PPP1R21: variants seen among roughly 807,000 people sequenced by gnomAD.
The protein encoded by PPP1R21 is protein phosphatase 1 regulatory subunit 21.
A neutral mutation model predicts 112.8 loss-of-function variants in PPP1R21; 85 were observed. The ratio of observed to expected loss-of-function variants is 0.75; its 90% CI spans 0.63 to 0.90. The LOEUF (loss-of-function observed/expected upper bound fraction) is 0.90. PPP1R21 is among the 40% of genes least tolerant of loss of function. PPP1R21 has a pLI of 0.00. For missense variants in PPP1R21, 1,199 were observed against 901.5 expected (o/e 1.33, Z -4.23); for synonymous variants, 381 against 322.3 (o/e 1.18, Z -1.95).
At chr2:48,500,203 ATAT>A (rs1283794015) in intron 17 of PPP1R21, among the ~76,000 whole-genome samples, 10 of 152,146 alleles carry the variant, frequency 6.6e-5, no homozygotes, top group Middle Eastern at 3.2e-3. Context: ...TATGGTAATG[ATAT>A]TATTATTTAG....
intron 11 of PPP1R21, 191 bp downstream of exon 11, chr2:48,471,558 A>G (rs762030668): frequency 1.8e-5 from 10 of 556,308 alleles, no homozygotes; most frequent in Non-Finnish European, 2.8e-5. Flanking sequence ...AAGTTGAATT[A>G]TAGTCTGTCA....
intron 9 of PPP1R21, among the ~76,000 whole-genome samples, chr2:48,470,241 G>A (rs1377275902): frequency 6.6e-6 from 1 of 152,014 alleles, no homozygotes; most frequent in Non-Finnish European, 1.5e-5. Flanking sequence ...TATTAAGCTG[G>A]GCATGTTGGC....
chr2:48,498,855 C>G (rs1390061531), intron 17 of PPP1R21, 120 bp downstream of exon 17: 14 of 1,015,490 alleles, frequency 1.4e-5, no homozygotes, highest in Non-Finnish European at 1.5e-5. Context: ...ATACCATAAG[C>G]TGAGCATCTT....
intron 2 of PPP1R21, 65 bp downstream of exon 2, chr2:48,451,141 C>G: frequency 1.5e-6 from 2 of 1,341,352 alleles, no homozygotes; most frequent in South Asian, 2.3e-5. Flanking sequence ...AAAGCAGGTT[C>G]ATTGGGTTTT....
At chr2:48,465,114 C>T (rs527737833) in intron 8 of PPP1R21, 125 bp downstream of exon 8, 33 of 751,790 alleles carry the variant, frequency 4.4e-5, no homozygotes, top group South Asian at 9.1e-5. Flanking sequence ...TGTTGCTTTA[C>T]GTGTTTCTCA....
intron 11 of PPP1R21, among the ~76,000 whole-genome samples, chr2:48,472,181 A>G (rs1476196616): frequency 3.2e-5 from 4 of 126,882 alleles, no homozygotes; most frequent in Admixed American, 9.6e-5. Context: ...CGGAGGTTGC[A>G]GTGAGCCAAG....
At chr2:48,480,725 A>G (rs1050860946) in intron 13 of PPP1R21, among the ~76,000 whole-genome samples, 3 of 151,754 alleles carry the variant, frequency 2.0e-5, no homozygotes, top group Non-Finnish European at 2.9e-5. Context: ...GGCAGGAGCA[A>G]TCTATTAAGG....
In PPP1R21 at chr2:48,451,030, T is replaced by G; in HGVS notation, c.80T>G (p.Leu27Arg). ...YSKLRAQNQV[L>R]KKGVVDEQAN... is the part of the protein sequence containing the mutation. ...CAGCTTCGGGCTCAGAATCAGGTTC[T>G]GAAAAAAGGTGTTGTGGATGAACAA... The change falls in exon 2 of 22, where the codon CTG becomes CGG. Residue 27 changes from leucine (L) to arginine (R), a missense_variant. Physicochemically the swap from Leu to Arg is moderately radical, Grantham distance 102. Transcript: ENST00000294952. 1 of 1,613,844 alleles carries G rather than the reference T, an allele frequency of 6.2e-7. No individual in the cohort carries two copies.
intron 14 of PPP1R21, among the ~76,000 whole-genome samples, chr2:48,489,404 G>T (rs779732838): frequency 2.0e-5 from 3 of 151,662 alleles, no homozygotes; most frequent in Non-Finnish European, 2.9e-5. Context: ...GGGAGGCTCA[G>T]GTAAGAGGAT....
chr2:48,510,430 A>G (rs555510348), intron 20 of PPP1R21, among the ~76,000 whole-genome samples: 2 of 152,274 alleles, frequency 1.3e-5, no homozygotes, highest in South Asian at 2.1e-4. Context: ...TTCTGTACAT[A>G]GTACTCTGTT....
intron 12 of PPP1R21, chr2:48,479,380 T>C (rs113280086): frequency 1.1e-4 from 50 of 435,996 alleles, no homozygotes; most frequent in Middle Eastern, 1.1e-3. Context: ...CTCACTGTTA[T>C]TACTGAGTTG....
At position 48,490,962 on chromosome 2, in the gene PPP1R21, T is replaced by G. The variant is rs190333983; in HGVS notation, c.1447-56T>G. The G allele has an allele frequency of 2.9e-4, 426 of 1,453,764 alleles. 1 individual carries two copies. The African/African-American group carries it at 5.3e-3, about 18-fold the overall frequency. The allele number at this position is 1,453,764 out of a possible 1,614,324, so 90.1% of individuals were successfully genotyped here. ...TTTGCTGCAAAAACTATTAGATATA[T>G]ATTTTAGATATATTGTTGGAAAACA... On this transcript the variant is annotated intron_variant, in intron 14 of 21. Transcript: ENST00000294952.
chr2:48,510,767 A>T (rs1393598694), intron 20 of PPP1R21, among the ~76,000 whole-genome samples: 2 of 152,232 alleles, frequency 1.3e-5, no homozygotes, highest in Non-Finnish European at 2.9e-5. Context: ...GGATGGAGGC[A>T]ATGTGTTGTA....
chr2:48,479,024 C>T (rs1279027939), intron 12 of PPP1R21, among the ~76,000 whole-genome samples: 1 of 152,186 alleles, frequency 6.6e-6, no homozygotes, highest in Non-Finnish European at 1.5e-5. Flanking sequence ...GCAGCAGCCC[C>T]CGGTCTCCTT....
chr2:48,457,045 C>G (rs1009720187), intron 3 of PPP1R21, among the ~76,000 whole-genome samples: 2 of 146,944 alleles, frequency 1.4e-5, no homozygotes, highest in African/African-American at 2.5e-5. Context: ...GAGTGAGACT[C>G]CCTCTCAAAA....
At chr2:48,461,738 C>T (rs927835694) in intron 7 of PPP1R21, among the ~76,000 whole-genome samples, 1 of 152,138 alleles carries the variant, frequency 6.6e-6, no homozygotes, top group Non-Finnish European at 1.5e-5. Flanking sequence ...TACTACTTTA[C>T]ATGTGTAATA....
intron 1 of PPP1R21, among the ~76,000 whole-genome samples, chr2:48,445,018 A>G (rs1047894363): frequency 6.6e-6 from 1 of 152,010 alleles, no homozygotes; most frequent in African/African-American, 2.4e-5. Context: ...AGAAAGGGTC[A>G]GTTTTGATCC....
At position 48,511,147 on chromosome 2, in the gene PPP1R21, G is replaced by T. The variant is rs375078251; in HGVS notation, c.2185-193G>T. Among the ~76,000 whole-genome samples, 8 of 152,162 alleles carry T rather than the reference G, an allele frequency of 5.3e-5. No homozygotes were observed. In the East Asian group the frequency reaches 1.5e-3, roughly 29 times the overall value. ...ATGATCAAATCAGGGTCATTTGGAG[G>T]TCCACCACCTCAAACATTTATCTTT... On this transcript the variant is annotated intron_variant, in intron 20 of 21. Transcript: ENST00000294952.
intron 19 of PPP1R21, among the ~76,000 whole-genome samples, chr2:48,507,832 C>G (rs1301173582): frequency 1.7e-5 from 2 of 117,920 alleles, no homozygotes; most frequent in African/African-American, 3.3e-5. Context: ...GTGGCACGGT[C>G]TTGGCTCAGT....
Sources: allele counts gnomAD v4.1 joint callset (sites outside exome capture counted in the v4.1 genomes callset), GRCh38; gene constraint gnomAD v4.1.1; transcripts MANE v1.5; gene names NCBI Gene and HGNC (gene_info 2026-07-23, HGNC 2026-07-21).